PAIP1: variants seen among roughly 807,000 people sequenced by gnomAD.
The protein encoded by PAIP1 is polyadenylate-binding protein-interacting protein 1.
A neutral mutation model predicts 61.3 loss-of-function variants in PAIP1; 16 were observed. That is an observed-to-expected ratio of 0.26 (90% CI 0.18 to 0.40). The LOEUF (loss-of-function observed/expected upper bound fraction) is 0.40, where lower values mean the gene tolerates loss of function less well. PAIP1 is among the 10% of genes least tolerant of loss of function. PAIP1 has a pLI of 1.00. For synonymous variants in PAIP1, 187 were observed against 226.2 expected (o/e 0.83, Z 1.56); for missense variants, 416 against 600.9 (o/e 0.69, Z 3.22).
At chr5:43,531,245 G>A (rs1382112777) in intron 9 of PAIP1, among the ~76,000 whole-genome samples, 1 of 151,422 alleles carries the variant, frequency 6.6e-6, no homozygotes, top group East Asian at 2.0e-4. Context: ...CTACTCTGTG[G>A]CTCCTGGCAG....
chr5:43,540,543 TA>T (rs1361376930), intron 4 of PAIP1, among the ~76,000 whole-genome samples: 1 of 152,216 alleles, frequency 6.6e-6, no homozygotes, highest in Admixed American at 6.5e-5. Flanking sequence ...TTGGAAAGGT[TA>T]AAACAGAAAA....
At chr5:43,537,031 A>C (rs1747183847) in intron 5 of PAIP1, 87 bp from the exon 6 acceptor site, 2 of 922,210 alleles carry the variant, frequency 2.2e-6, no homozygotes, top group Admixed American at 5.7e-5. Flanking sequence ...TTGGCAAAAT[A>C]AGCATTTTAG....
intron 3 of PAIP1, among the ~76,000 whole-genome samples, chr5:43,544,322 T>G (rs756771743): frequency 5.3e-5 from 8 of 152,160 alleles, no homozygotes; most frequent in African/African-American, 1.9e-4. Flanking sequence ...ATATGTCACA[T>G]TAAGGGAGAA....
chr5:43,536,355 A>G (rs568881066), intron 6 of PAIP1, among the ~76,000 whole-genome samples: 1 of 152,332 alleles, frequency 6.6e-6, no homozygotes, highest in East Asian at 1.9e-4. Flanking sequence ...GCTAAACTGA[A>G]GATAATCCAA....
chr5:43,550,181 G>C (rs1747806593), intron 2 of PAIP1, among the ~76,000 whole-genome samples: 1 of 152,018 alleles, frequency 6.6e-6, no homozygotes, highest in Non-Finnish European at 1.5e-5. Context: ...TAATACATTA[G>C]ATTTTTGTCA....
chr5:43,527,614 C>T, intron 10 of PAIP1, 145 bp from the exon 11 acceptor site: 1 of 620,510 alleles, frequency 1.6e-6, no homozygotes, highest in Non-Finnish European at 2.5e-6. Context: ...ACATTAATGG[C>T]AGTCTTCGGA....
chr5:43,554,728 C>T (rs1199945405), intron 2 of PAIP1, among the ~76,000 whole-genome samples: 1 of 152,132 alleles, frequency 6.6e-6, no homozygotes, highest in Non-Finnish European at 1.5e-5. Context: ...GGAAATCATA[C>T]ACTACTCAGA....
chr5:43,540,034 T>C (rs1162906790), intron 4 of PAIP1, among the ~76,000 whole-genome samples: 3 of 152,226 alleles, frequency 2.0e-5, no homozygotes, highest in Non-Finnish European at 4.4e-5. Context: ...AGGTTGACTT[T>C]GTAAACAATT....
chr5:43,535,439 T>C (rs1747106266), intron 7 of PAIP1, 95 bp downstream of exon 7: 3 of 724,056 alleles, frequency 4.1e-6, no homozygotes, highest in Non-Finnish European at 7.4e-6. Flanking sequence ...AGCCATCAAC[T>C]TACCCTGCTG....
intron 4 of PAIP1, among the ~76,000 whole-genome samples, chr5:43,541,108 C>T (rs989707175): frequency 6.8e-6 from 1 of 147,554 alleles, no homozygotes; most frequent in African/African-American, 2.5e-5. Context: ...ATCTATTTGG[C>T]GCTATTCCAA....
intron 8 of PAIP1, 65 bp from the exon 9 acceptor site, chr5:43,533,857 A>G: frequency 1.0e-6 from 1 of 968,736 alleles, no homozygotes; most frequent in Non-Finnish European, 1.7e-6. Flanking sequence ...AAGTACAATA[A>G]TGAAGCATGG....
intron 4 of PAIP1, among the ~76,000 whole-genome samples, chr5:43,541,313 AGGG>A (rs1747399712): frequency 2.2e-4 from 1 of 4,540 alleles, no homozygotes; most frequent in Admixed American, 3.5e-3. Context: ...TTGTATTTTT[AGGG>A]TTTTTTTTTG....
At chr5:43,541,711 A>C (rs528999346) in intron 4 of PAIP1, among the ~76,000 whole-genome samples, 28 of 101,044 alleles carry the variant, frequency 2.8e-4, no homozygotes, top group African/African-American at 1.8e-3. Flanking sequence ...ACGAACTATA[A>C]TAAACTTGAA....
intron 9 of PAIP1, among the ~76,000 whole-genome samples, chr5:43,531,119 G>A (rs987774474): frequency 3.3e-5 from 5 of 152,106 alleles, no homozygotes; most frequent in African/African-American, 1.2e-4. Flanking sequence ...AGAGCACTTT[G>A]TAGAAATTGG....
intron 2 of PAIP1, among the ~76,000 whole-genome samples, chr5:43,552,666 A>G (rs1050709050): frequency 6.6e-6 from 1 of 152,178 alleles, no homozygotes; most frequent in African/African-American, 2.4e-5. Flanking sequence ...GAGAATTATC[A>G]TTGCAGAGTC....
intron 2 of PAIP1, among the ~76,000 whole-genome samples, chr5:43,552,433 T>C (rs1747900520): frequency 6.6e-6 from 1 of 152,166 alleles, no homozygotes; most frequent in Non-Finnish European, 1.5e-5. Context: ...GATGTCAGGG[T>C]TATTAGCACA....
intron 9 of PAIP1, among the ~76,000 whole-genome samples, chr5:43,531,638 CA>C (rs926537975): frequency 3.7e-5 from 2 of 53,864 alleles, no homozygotes; most frequent in African/African-American, 8.8e-5. Flanking sequence ...GCCTGGGTAA[CA>C]GAGTGAGACT....
At chr5:43,535,388 A>C in intron 7 of PAIP1, 146 bp downstream of exon 7, 1 of 617,264 alleles carries the variant, frequency 1.6e-6, no homozygotes, top group Non-Finnish European at 2.8e-6. Flanking sequence ...CTATAGGTAA[A>C]ATATTATTCC....
Position 43,555,878 on chromosome 5 carries a change from A to C in PAIP1, c.387T>G (p.Ser129=). 1 of 1,613,704 alleles carries C rather than the reference A, an allele frequency of 6.2e-7. No individual in the cohort carries two copies. The highest frequency in any genetic ancestry group is 8.5e-7 in the Non-Finnish European group (1 of 1,179,920). ...AAGGGTAAAATTCAGGGGCATTCAC[A>C]GACAGCTTAGACATTAATACAGGAG... The part of the protein sequence containing the change: ...VVAPVLMSKL[S]VNAPEFYPSG... The change falls in exon 2 of 11, where the codon TCT becomes TCG. Residue 129 remains serine, a synonymous_variant. Transcript: ENST00000306846.
Sources: allele counts gnomAD v4.1 joint callset (sites outside exome capture counted in the v4.1 genomes callset), GRCh38; gene constraint gnomAD v4.1.1; transcripts MANE v1.5; gene names NCBI Gene and HGNC (gene_info 2026-07-23, HGNC 2026-07-21).